Variants in NRXN3 observed in about 807,000 individuals in gnomAD.
The protein encoded by NRXN3 is neurexin III.
In NRXN3, 32 loss-of-function variants were observed where a neutral mutation model predicts 137.6. The observed-to-expected ratio is 0.23, with a 90% CI of 0.18 to 0.31. The LOEUF (loss-of-function observed/expected upper bound fraction) is 0.31. NRXN3 is among the 10% of genes least tolerant of loss of function. The pLI is 1.00. For missense variants in NRXN3, 1,574 were observed against 2,062.5 expected (o/e 0.76, Z 4.59); for synonymous variants, 798 against 784.5 (o/e 1.02, Z -0.29).
At chr14:79,034,636 T>C (rs2099613247) in intron 15 of NRXN3, among the ~76,000 whole-genome samples, 1 of 152,074 alleles carries the variant, frequency 6.6e-6, no homozygotes, top group Non-Finnish European at 1.5e-5. Flanking sequence ...TTGATAAACA[T>C]TTGGTAAGAT....
At chr14:79,763,813 A>T (rs956543106) in intron 19 of NRXN3, among the ~76,000 whole-genome samples, 4 of 151,528 alleles carry the variant, frequency 2.6e-5, no homozygotes, top group African/African-American at 4.9e-5. Context: ...CCACCTCCTG[A>T]TACCATTACA....
intron 16 of NRXN3, among the ~76,000 whole-genome samples, chr14:79,542,030 AG>A (rs2097277850): frequency 6.6e-6 from 1 of 152,218 alleles, no homozygotes; most frequent in Admixed American, 6.5e-5. Flanking sequence ...TAAATGATAA[AG>A]AAGTAGCAAT....
intron 1 of NRXN3, among the ~76,000 whole-genome samples, chr14:78,187,907 G>A (rs1009238937): frequency 6.6e-6 from 1 of 151,902 alleles, no homozygotes; most frequent in African/African-American, 2.4e-5. Flanking sequence ...AGGAAGGGGA[G>A]TCCCTATGTA....
At chr14:78,591,095 G>C (rs1470493446) in intron 4 of NRXN3, among the ~76,000 whole-genome samples, 1 of 152,158 alleles carries the variant, frequency 6.6e-6, no homozygotes, top group Non-Finnish European at 1.5e-5. Flanking sequence ...TGGTCCTCTG[G>C]AGATCTACTT....
At chr14:79,267,974 G>T (rs1197872122) in intron 15 of NRXN3, among the ~76,000 whole-genome samples, 1 of 152,134 alleles carries the variant, frequency 6.6e-6, no homozygotes, top group Non-Finnish European at 1.5e-5. Context: ...CATTATTTCT[G>T]GACTGTTAGT....
chr14:79,317,664 A>G (rs1215773155), intron 15 of NRXN3, among the ~76,000 whole-genome samples: 1 of 152,214 alleles, frequency 6.6e-6, no homozygotes, highest in Admixed American at 6.5e-5. Context: ...GTTCTGCTAG[A>G]TGATGACAAG....
chr14:79,592,486 C>T (rs1475158653), intron 16 of NRXN3, among the ~76,000 whole-genome samples: 1 of 152,100 alleles, frequency 6.6e-6, no homozygotes, highest in East Asian at 1.9e-4. Flanking sequence ...GTAGCCTCAG[C>T]ACAACTACTA....
rs79461610 is a variant in NRXN3 at position 79,525,672 on chromosome 14, G to A, written c.3444+58270G>A. On this transcript the variant is annotated intron_variant, in intron 16 of 20. Transcript: ENST00000335750. ...TTGCGTGGTATTCATTTTCCTTTTA[G>A]CATTGCACTTGATTTGTGAAGTAGT... is the stretch of plus-strand genomic sequence containing the variant. Among the ~76,000 whole-genome samples, 10 of 152,220 alleles carry A rather than the reference G, an allele frequency of 6.6e-5. No individual in the cohort carries two copies. In the Middle Eastern group the frequency reaches 0.01, roughly 155 times the overall value.
At chr14:79,705,806 T>C (rs2098775859) in intron 19 of NRXN3, among the ~76,000 whole-genome samples, 1 of 152,190 alleles carries the variant, frequency 6.6e-6, no homozygotes, top group African/African-American at 2.4e-5. Flanking sequence ...TTGTTACCTC[T>C]CATAGCACTT....
At chr14:78,306,635 A>G (rs2077397405) in intron 4 of NRXN3, among the ~76,000 whole-genome samples, 2 of 152,170 alleles carry the variant, frequency 1.3e-5, no homozygotes, top group African/African-American at 4.8e-5. Flanking sequence ...TACAATTTGC[A>G]CAAGTACATA....
chr14:79,528,245 G>T (rs142759582), intron 16 of NRXN3, among the ~76,000 whole-genome samples: 2 of 152,068 alleles, frequency 1.3e-5, no homozygotes, highest in Non-Finnish European at 2.9e-5. Context: ...ACACTCAAGC[G>T]GTTAGCACAG....
chr14:78,947,664 A>G (rs1175399001), intron 10 of NRXN3, among the ~76,000 whole-genome samples: 2 of 152,230 alleles, frequency 1.3e-5, no homozygotes, highest in East Asian at 1.9e-4. Flanking sequence ...GATTGTGCTT[A>G]GAGACCTGTG....
intron 15 of NRXN3, among the ~76,000 whole-genome samples, chr14:79,317,793 T>C (rs1362084049): frequency 1.3e-5 from 2 of 152,234 alleles, no homozygotes; most frequent in Non-Finnish European, 1.5e-5. Flanking sequence ...ATTTTTGTTA[T>C]AGTCTGTTTC....
chr14:79,157,231 A>G (rs2060332356), intron 15 of NRXN3, among the ~76,000 whole-genome samples: 1 of 151,782 alleles, frequency 6.6e-6, no homozygotes, highest in Non-Finnish European at 1.5e-5. Context: ...TATAAAAATG[A>G]TTGCATATTG....
At chr14:78,263,184 A>C (rs1458986081) in intron 2 of NRXN3, among the ~76,000 whole-genome samples, 1 of 152,200 alleles carries the variant, frequency 6.6e-6, no homozygotes, top group East Asian at 1.9e-4. Flanking sequence ...AAATACAGTT[A>C]GCCAATGTTA....
intron 17 of NRXN3, among the ~76,000 whole-genome samples, chr14:79,666,951 A>G (rs1189155319): frequency 1.3e-5 from 2 of 152,008 alleles, no homozygotes; most frequent in African/African-American, 2.4e-5. Flanking sequence ...GTGATATACT[A>G]GATCGAGGTT....
intron 15 of NRXN3, among the ~76,000 whole-genome samples, chr14:78,993,943 G>A (rs2099524465): frequency 7.1e-6 from 1 of 141,118 alleles, no homozygotes; most frequent in African/African-American, 2.6e-5. Flanking sequence ...TCCGCCTCTT[G>A]GGTTCAAGTG....
chr14:78,180,498 C>T (rs1367702158), intron 1 of NRXN3, among the ~76,000 whole-genome samples: 1 of 152,186 alleles, frequency 6.6e-6, no homozygotes, highest in African/African-American at 2.4e-5. Context: ...CAATCATTCT[C>T]GTTGTACAGG....
At chr14:79,426,039 G>T (rs1263336390) in intron 15 of NRXN3, among the ~76,000 whole-genome samples, 1 of 152,032 alleles carries the variant, frequency 6.6e-6, no homozygotes, top group Non-Finnish European at 1.5e-5. Context: ...CATATATGAA[G>T]GTTAGATCAA....
Sources: gnomAD v4.1 joint callset for allele counts (sites outside exome capture counted in the v4.1 genomes callset) on GRCh38, gnomAD v4.1.1 for gene constraint, MANE v1.5 for transcripts, NCBI Gene and HGNC (gene_info 2026-07-23, HGNC 2026-07-21) for gene names.